Variants in UGT2B7 observed in about 807,000 individuals in gnomAD.
The protein encoded by UGT2B7 is UDP-glucuronosyltransferase 2B7.
Under a neutral mutation model 51.9 loss-of-function variants are expected in UGT2B7, and 51 were observed. The ratio of observed to expected loss-of-function variants is 0.98; its 90% CI spans 0.78 to 1.24. UGT2B7 has a LOEUF of 1.24. UGT2B7 is among the 50% of genes most tolerant of loss of function. The pLI is 0.00. For synonymous variants in UGT2B7, 225 were observed against 211.6 expected (o/e 1.06, Z -0.55); for missense variants, 727 against 628.4 (o/e 1.16, Z -1.68).
At chr4:69,088,668 G>A (rs2109878022) in intron 1 of UGT2B7, among the ~76,000 whole-genome samples, 1 of 152,236 alleles carries the variant, frequency 6.6e-6, no homozygotes, top group African/African-American at 2.4e-5. Flanking sequence ...AGACTCCTCA[G>A]CGTGGCATTC....
At chr4:69,082,486 C>T (rs192691848) in intron 1 of UGT2B7, among the ~76,000 whole-genome samples, 3 of 151,858 alleles carry the variant, frequency 2.0e-5, no homozygotes, top group East Asian at 1.9e-4. Flanking sequence ...AAAGTAAAAC[C>T]GCATTATCAT....
At chr4:69,100,940 G>T (rs56388229) in intron 2 of UGT2B7, among the ~76,000 whole-genome samples, 36 of 151,924 alleles carry the variant, frequency 2.4e-4, no homozygotes, top group African/African-American at 8.4e-4. Flanking sequence ...TTTATAATAT[G>T]TTCACGTGAA....
At chr4:69,081,460 G>A (rs1718835479) in intron 1 of UGT2B7, among the ~76,000 whole-genome samples, 1 of 152,018 alleles carries the variant, frequency 6.6e-6, no homozygotes. Context: ...CTTTTGACTG[G>A]CTTTCCTTAA....
intron 2 of UGT2B7, among the ~76,000 whole-genome samples, chr4:69,090,585 A>G (rs527700885): frequency 1.4e-4 from 21 of 152,284 alleles, no homozygotes; most frequent in Middle Eastern, 3.4e-3. Context: ...AAGTTTTTCT[A>G]TGAGGAGAAA....
chr4:69,090,400 C>A (rs955352962), intron 2 of UGT2B7, among the ~76,000 whole-genome samples: 2 of 151,826 alleles, frequency 1.3e-5, no homozygotes, highest in Admixed American at 1.3e-4. Context: ...AATTATGTGA[C>A]AAAAGGCATA....
At chr4:69,064,738 A>T (rs2109865406) in intron 1 of UGT2B7, among the ~76,000 whole-genome samples, 1 of 152,192 alleles carries the variant, frequency 6.6e-6, no homozygotes, top group East Asian at 1.9e-4. Context: ...GAGTGCACTC[A>T]ATAAAGATAT....
intron 2 of UGT2B7, among the ~76,000 whole-genome samples, chr4:69,100,975 A>G (rs999598352): frequency 5.3e-5 from 8 of 152,112 alleles, no homozygotes; most frequent in African/African-American, 1.9e-4. Context: ...AAAATTAATC[A>G]AGGTGTACCT....
intron 1 of UGT2B7, among the ~76,000 whole-genome samples, chr4:69,080,069 C>G (rs1718802207): frequency 6.6e-6 from 1 of 151,918 alleles, no homozygotes; most frequent in South Asian, 2.1e-4. Flanking sequence ...CTGTTATCAT[C>G]TTGCCTATTT....
At chr4:69,053,538 T>C (rs1053492412) in intron 1 of UGT2B7, among the ~76,000 whole-genome samples, 3 of 152,214 alleles carry the variant, frequency 2.0e-5, no homozygotes, top group Non-Finnish European at 2.9e-5. Context: ...TGACCAGGCG[T>C]AGGCTGCATG....
intron 1 of UGT2B7, among the ~76,000 whole-genome samples, chr4:69,075,429 C>T (rs1322174539): frequency 6.6e-6 from 1 of 151,984 alleles, no homozygotes; most frequent in Admixed American, 6.6e-5. Context: ...CCCTTTTTCT[C>T]CCTCTACACA....
chr4:69,099,180 T>C (rs1719344668), intron 2 of UGT2B7, among the ~76,000 whole-genome samples: 1 of 148,566 alleles, frequency 6.7e-6, no homozygotes, highest in African/African-American at 2.5e-5. Context: ...ATAGAAAGTA[T>C]CCTGCAGTCA....
chr4:69,074,404 C>A (rs11937195), intron 1 of UGT2B7, among the ~76,000 whole-genome samples: 22,108 of 138,340 alleles, frequency 0.16, 1,959 homozygotes, highest in Admixed American at 0.28. Context: ...TCAGCCTGGA[C>A]GATGGAATAA....
intron 1 of UGT2B7, among the ~76,000 whole-genome samples, chr4:69,078,500 G>C (rs1466551222): frequency 1.3e-5 from 2 of 151,952 alleles, no homozygotes; most frequent in Admixed American, 6.6e-5. Flanking sequence ...CTCCTTTCTT[G>C]ATGCTTTTAG....
chr4:69,051,937 T>G (rs187040216), intron 1 of UGT2B7, among the ~76,000 whole-genome samples: 2 of 152,332 alleles, frequency 1.3e-5, no homozygotes, highest in East Asian at 3.9e-4. Context: ...TGTGCCCTTT[T>G]ACCTGTTCTT....
chr4:69,107,921 C>T lies in UGT2B7; in HGVS notation c.1091-182C>T, dbSNP rs560640435. Among the ~76,000 whole-genome samples, 44 of 152,228 alleles carry T rather than the reference C, an allele frequency of 2.9e-4. No individual in the cohort carries two copies. In the East Asian group the frequency reaches 7.1e-3, roughly 25 times the overall value. ...TATTGTTTTGCAGTCTGAAGTCACA[C>T]ACACCGTATAGCCTTCAGTTACATA... On this transcript the variant is annotated intron_variant, in intron 4 of 5. Transcript: ENST00000305231.
chr4:69,065,541 G>C (rs1476440409), intron 1 of UGT2B7, among the ~76,000 whole-genome samples: 1 of 152,100 alleles, frequency 6.6e-6, no homozygotes, highest in African/African-American at 2.4e-5. Flanking sequence ...TAGTAAATGT[G>C]CTAATATTCT....
At chr4:69,107,957 G>A (rs1719656975) in intron 4 of UGT2B7, 146 bp from the exon 5 acceptor site, 7 of 982,554 alleles carry the variant, frequency 7.1e-6, no homozygotes, top group Non-Finnish European at 1.1e-5. Flanking sequence ...CCCAGTACAA[G>A]TACGTGTTTT....
At chr4:69,079,814 G>C (rs1001124954) in intron 1 of UGT2B7, among the ~76,000 whole-genome samples, 2 of 151,644 alleles carry the variant, frequency 1.3e-5, no homozygotes, top group African/African-American at 4.8e-5. Flanking sequence ...CTTAAAACCT[G>C]ACTTTGGCTT....
intron 1 of UGT2B7, among the ~76,000 whole-genome samples, chr4:69,071,443 A>C (rs1718598714): frequency 6.6e-6 from 1 of 152,136 alleles, no homozygotes; most frequent in South Asian, 2.1e-4. Context: ...AAATGGCAAA[A>C]GCTCTCCAAT....
Sources: allele counts gnomAD v4.1 joint callset (sites outside exome capture counted in the v4.1 genomes callset), GRCh38; gene constraint gnomAD v4.1.1; transcripts MANE v1.5; gene names NCBI Gene and HGNC (gene_info 2026-07-23, HGNC 2026-07-21).